The following ARHGAP21 variants were observed in gnomAD, a reference collection of about 807,000 sequenced individuals.
ARHGAP21 encodes Rho GTPase activating protein 21.
Under a neutral mutation model 164.6 loss-of-function variants are expected in ARHGAP21, and 38 were observed. That is an observed-to-expected ratio of 0.23 (90% confidence interval 0.18 to 0.30). The LOEUF is 0.30. Among genes scored for constraint, ARHGAP21 ranks in the 10% least tolerant of loss-of-function variants. The pLI is 1.00. For synonymous variants in ARHGAP21, 766 were observed against 857.9 expected (o/e 0.89, Z 1.87); for missense variants, 1,822 against 2,370.7 (o/e 0.77, Z 4.81).
Position 24,633,488 on chromosome 10 carries a change from G to C in ARHGAP21, c.362-8C>G. The C allele has an allele frequency of 6.2e-7, 1 of 1,601,320 alleles. No individual in the cohort carries two copies. The highest frequency in any genetic ancestry group is 8.5e-7 in the Non-Finnish European group (1 of 1,172,208). On this transcript the variant is annotated splice_polypyrimidine_tract_variant and splice_region_variant and intron_variant, in intron 5 of 25. Coordinates refer to ENST00000396432, the MANE Select transcript of ARHGAP21 (RefSeq NM_020824.4). ...CTTTTATAATTCGGTCACCTTCAAA[G>C]AGAAGTTAAAAAACAAATGAGAGAT...
chr10:24,630,170 T>C, intron 6 of ARHGAP21, 120 bp from the exon 7 acceptor site: 1 of 504,340 alleles, frequency 2.0e-6, no homozygotes, highest in East Asian at 3.4e-5. Flanking sequence ...CTGGTTTTCT[T>C]ATATCTTAAT....
At chr10:24,604,509 A>T (rs928644003) in intron 11 of ARHGAP21, among the ~76,000 whole-genome samples, 161 bp from the exon 12 acceptor site, 1 of 152,222 alleles carries the variant, frequency 6.6e-6, no homozygotes, top group Non-Finnish European at 1.5e-5. Context: ...AAAAAAGCTA[A>T]TTTTATAAAA....
chr10:24,607,564 G>A lies in ARHGAP21; in HGVS notation c.2619C>T (p.Asn873=). 2 of 1,614,088 alleles carry A rather than the reference G, an allele frequency of 1.2e-6. No individual in the cohort carries two copies. The highest frequency in any genetic ancestry group is 1.1e-5 in the South Asian group (1 of 91,074). Residue 873 remains asparagine, a synonymous_variant, in exon 11 of 26, where the codon AAC becomes AAT. Coordinates refer to ENST00000396432, the MANE Select transcript of ARHGAP21 (RefSeq NM_020824.4). The stretch of plus-strand genomic sequence containing the variant: ...ATGATTTTGATCTTTCTGTCTTTGA[G>A]TTGGGCTGAGCATCCAGGCTAGGAG... ...VGPPSLDAQP[N]SKTERSKSYD... is the part of the protein sequence containing the mutation.
intron 9 of ARHGAP21, among the ~76,000 whole-genome samples, chr10:24,617,171 T>C (rs1834031365): frequency 1.3e-5 from 2 of 152,188 alleles, no homozygotes; most frequent in African/African-American, 4.8e-5. Context: ...TATATGTATA[T>C]AGAATTATAC....
chr10:24,720,254 C>CAAAAAAAA (rs55746821), intron 2 of ARHGAP21, among the ~76,000 whole-genome samples: 1 of 133,830 alleles, frequency 7.5e-6, no homozygotes, highest in African/African-American at 2.8e-5. Context: ...CTTAAATGAC[C>CAAAAAAAA]AAAAAAAAAA....
In ARHGAP21 at chr10:24,625,052, G is replaced by T. The variant is rs11813276; in HGVS notation, c.496-2290C>A. On this transcript the variant is annotated intron_variant, in intron 7 of 25. Transcript: ENST00000396432. ...TAGATACAAAAAGCTCTAAAAAGTG[G>T]GGGGGGGGGGGGAGGAGGAGGAGGA... Among the ~76,000 whole-genome samples the T allele has an allele frequency of 5.9e-4, 40 of 67,872 alleles. 2 individuals are homozygous for T. Among genetic ancestry groups the T allele is most frequent in the African/African-American group, 3.3e-3 (37 of 11,058 alleles). The allele number at this position is 67,872 out of a possible 152,430, so 44.5% of individuals were successfully genotyped here.
intron 14 of ARHGAP21, among the ~76,000 whole-genome samples, chr10:24,600,088 G>A (rs1034683259): frequency 3.6e-5 from 5 of 137,820 alleles, no homozygotes; most frequent in Admixed American, 1.6e-4. Flanking sequence ...AGCCAAGATC[G>A]CGCCACTGCA....
At chr10:24,629,942 T>A in intron 7 of ARHGAP21, 54 bp downstream of exon 7, 1 of 1,249,288 alleles carries the variant, frequency 8.0e-7, no homozygotes, top group Non-Finnish European at 1.2e-6. Flanking sequence ...TCAAAAATAT[T>A]TTCCGAACAT....
intron 2 of ARHGAP21, among the ~76,000 whole-genome samples, chr10:24,672,067 A>G (rs1840760095): frequency 6.6e-6 from 1 of 151,650 alleles, no homozygotes; most frequent in Non-Finnish European, 1.5e-5. Flanking sequence ...CTCTCCAGCT[A>G]CCACCTTGTT....
chr10:24,650,846 G>A (rs1838089140), intron 4 of ARHGAP21, among the ~76,000 whole-genome samples: 1 of 152,286 alleles, frequency 6.6e-6, no homozygotes, highest in East Asian at 1.9e-4. Context: ...GAAATCCAGA[G>A]AGGTGAGTCC....
In ARHGAP21 at chr10:24,584,764, C is replaced by T; in HGVS notation, c.5525G>A (p.Cys1842Tyr). Residue 1842 changes from cysteine (C) to tyrosine (Y), a missense_variant, in exon 26 of 26, where the codon TGC (cysteine) becomes TAC (tyrosine). Cys to Tyr is a radical substitution (Grantham distance 194, BLOSUM62 -2). Coordinates refer to ENST00000396432, the MANE Select transcript of ARHGAP21 (RefSeq NM_020824.4). ...TGAGATGGAAAGGTCCTGGGCTGAG[C>T]ATTTTGGTTTTAACCGGTTTACAGC... is the stretch of plus-strand genomic sequence containing the variant. ...LSAVNRLKPK[C>Y]SAQDLSISDW... The T allele has an allele frequency of 2.5e-6, 4 of 1,613,994 alleles. No homozygotes were observed. Among genetic ancestry groups the T allele is most frequent in the Non-Finnish European group, 3.4e-6 (4 of 1,179,876 alleles).
At chr10:24,649,729 A>G (rs1837964996) in intron 4 of ARHGAP21, among the ~76,000 whole-genome samples, 1 of 152,024 alleles carries the variant, frequency 6.6e-6, no homozygotes, top group African/African-American at 2.4e-5. Context: ...CATGGAAAAC[A>G]ACAATATTCT....
Position 24,678,031 on chromosome 10 carries a change from G to C in ARHGAP21, c.64-7634C>G, listed in dbSNP as rs530242953. Among the ~76,000 whole-genome samples, 4 of 152,122 alleles carry C rather than the reference G, an allele frequency of 2.6e-5. No homozygotes were observed. The East Asian group carries it at 7.7e-4, about 29-fold the overall frequency. ...AATCCCAGCACTTAGGGAGGCAGAGGTGGGAGGGCAGCTTGAGCCCAGGAG... is the reference window on the plus strand; with the variant it reads ...AATCCCAGCACTTAGGGAGGCAGAGCTGGGAGGGCAGCTTGAGCCCAGGAG... On this transcript the variant is annotated intron_variant, in intron 2 of 25. Transcript: ENST00000396432.
intron 2 of ARHGAP21, among the ~76,000 whole-genome samples, chr10:24,718,093 C>T (rs1845567556): frequency 6.6e-6 from 1 of 152,126 alleles, no homozygotes; most frequent in Admixed American, 6.5e-5. Context: ...TGCAGCTGAC[C>T]TGAACTCAGG....
rs1845975627 is a variant in ARHGAP21, at chr10:24,721,861, A to G, written c.39T>C (p.Asp13=). The part of the protein sequence containing the change: ...ATRRTGLSEG[D]GDKLKACEVS... The stretch of plus-strand genomic sequence containing the variant: ...CCTCGCAGGCCTTGAGCTTGTCACC[A>G]TCTCCCTCAGACAGACCAGTCCGAC... The change falls in exon 2 of 26, where the codon GAT becomes GAC. Residue 13 remains aspartate (D), a synonymous_variant. Transcript: ENST00000396432. 6.2e-7 allele frequency: 1 copy of G among 1,614,226 alleles called. No homozygotes were observed. Among genetic ancestry groups the G allele is most frequent in the Non-Finnish European group, 8.5e-7 (1 of 1,180,048 alleles).
rs1363243614 is a variant in ARHGAP21, at chr10:24,721,829, G to A, written c.63+8C>T. 1 of 1,614,144 alleles carries A rather than the reference G, an allele frequency of 6.2e-7. No homozygotes were observed. The highest frequency in any genetic ancestry group is 1.1e-5 in the South Asian group (1 of 91,054). ...CCTGCCGGCCAGGAACGCTGGCTCC[G>A]CGCTTACCTCGCAGGCCTTGAGCTT... On this transcript the variant is annotated splice_region_variant and intron_variant, in intron 2 of 25. Transcript: ENST00000396432.
chr10:24,589,415 C>CA, intron 24 of ARHGAP21, 113 bp from the exon 25 acceptor site: 1 of 937,674 alleles, frequency 1.1e-6, no homozygotes, highest in Non-Finnish European at 1.6e-6. Context: ...AAGCAAAACT[C>CA]AAAACAATAG....
rs560721628 is a variant in ARHGAP21, at chr10:24,639,636, G to A, written c.269-4533C>T. Among the ~76,000 whole-genome samples the A allele has an allele frequency of 2.0e-3, 298 of 152,142 alleles. 2 individuals are homozygous for A. The highest frequency in any genetic ancestry group is 6.9e-3 in the African/African-American group (288 of 41,512). On this transcript the variant is annotated intron_variant, in intron 4 of 25. Transcript: ENST00000396432. ...AGGGAAGTCAAGGAATACTGCCGGG[G>A]GAGGGGATAGGACGAGAAACATGAA...
In ARHGAP21 at chr10:24,620,562, C is replaced by A. The variant is rs1231612482; in HGVS notation, c.1333G>T (p.Asp445Tyr). 1 of 1,614,000 alleles carries A rather than the reference C, an allele frequency of 6.2e-7. No homozygotes were observed. Among genetic ancestry groups the A allele is most frequent in the East Asian group, 2.2e-5 (1 of 44,886 alleles). Residue 445 changes from aspartate (D) to tyrosine (Y), a missense_variant, in exon 9 of 26, where the codon GAT (aspartate) becomes TAT (tyrosine). Transcript: ENST00000396432. ...ATCTGGACAGACTGGGGCACTCGAT[C>A]ATGAGAGGTGCTTCGACGTCGTCCC... is the stretch of plus-strand genomic sequence containing the variant. ...LQGRRRSTSH[D>Y]RVPQSVQIRQ...
Sources: allele counts gnomAD v4.1 joint callset (sites outside exome capture counted in the v4.1 genomes callset), GRCh38; gene constraint gnomAD v4.1.1; transcripts MANE v1.5; gene names NCBI Gene and HGNC (gene_info 2026-07-23, HGNC 2026-07-21).